The following IGFL3 variants were observed in gnomAD, a reference collection of about 807,000 sequenced individuals.
IGFL3 encodes insulin growth factor-like family member 3.
A neutral mutation model predicts 17.0 loss-of-function variants in IGFL3; 12 were observed. The ratio of observed to expected loss-of-function variants is 0.71; its 90% CI spans 0.45 to 1.14. The LOEUF (loss-of-function observed/expected upper bound fraction) is 1.14, where lower values mean the gene tolerates loss of function less well. Among genes scored for constraint, IGFL3 ranks in the 50% most tolerant of loss-of-function variants. The pLI is 0.00. For missense variants in IGFL3, 153 were observed against 151.6 expected (o/e 1.01, Z -0.05); for synonymous variants, 52 against 57.4 (o/e 0.91, Z 0.42).
intron 2 of IGFL3, 36 bp from the exon 3 acceptor site, chr19:46,124,192 G>C (rs374493388): frequency 2.6e-5 from 42 of 1,609,808 alleles, no homozygotes; most frequent in Non-Finnish European, 3.4e-5. Context: ...ATCCAAGGAA[G>C]AACAGATACT....
At chr19:46,123,074 A>G (rs1233347058) in intron 3 of IGFL3, among the ~76,000 whole-genome samples, 5 of 151,056 alleles carry the variant, frequency 3.3e-5, no homozygotes, top group Admixed American at 2.0e-4. Flanking sequence ...AAAGATTGGT[A>G]TACCACCACT....
At chr19:46,121,309 G>A in intron 3 of IGFL3, among the ~76,000 whole-genome samples, 1 of 148,782 alleles carries the variant, frequency 6.7e-6, no homozygotes, top group East Asian at 2.0e-4. Context: ...GATCACTTGA[G>A]CCCAGGAGGT....
In IGFL3 at chr19:46,120,456, A is replaced by G. The variant is rs968000935; in HGVS notation, c.351-99T>C. ...ATTTTAACAAACTTGACTTTAACAG[A>G]CTTGACTGCTACACCAGATGTGTAG... On this transcript the variant is annotated intron_variant, in intron 3 of 3. Transcript: ENST00000341415. 3.9e-6 allele frequency: 6 copies of G among 1,538,124 alleles called. No homozygotes were observed. The African/African-American group carries it at 8.4e-5, about 22-fold the overall frequency.
rs1237755541 is a variant in IGFL3 at position 46,124,043 on chromosome 19, C to T, written c.193G>A (p.Glu65Lys). The T allele has an allele frequency of 1.2e-6, 2 of 1,611,488 alleles. No individual in the cohort carries two copies. Among genetic ancestry groups the T allele is most frequent in the Non-Finnish European group, 1.7e-6 (2 of 1,179,662 alleles). ...CAGGTGGAGCCACAGCGGCGGGTCT[C>T]CTTTAAGGATAAGATGGCATCATCA... ...CYDDAILSLK[E>K]TRRCGSTCTF... Residue 65 changes from glutamate to lysine, a missense_variant, in exon 3 of 4, where the codon GAG becomes AAG. Coordinates refer to ENST00000341415, the MANE Select transcript of IGFL3 (RefSeq NM_207393.2).
At position 46,124,260 on chromosome 19, in the gene IGFL3, G is replaced by T; in HGVS notation, c.79+8C>A. 1.9e-6 allele frequency: 3 copies of T among 1,610,220 alleles called. 1 individual carries two copies. Among genetic ancestry groups the T allele is most frequent in the Non-Finnish European group, 1.7e-6 (2 of 1,178,688 alleles). On this transcript the variant is annotated splice_region_variant and intron_variant, in intron 2 of 3. Coordinates refer to ENST00000341415, the MANE Select transcript of IGFL3 (RefSeq NM_207393.2). Reference sequence around the variant, plus strand: ...TTCCCTCCTCATTTTTCCCTGTCCTGTCCTTACCTGTAGTTCCTTTTGAAC... The same window carrying T: ...TTCCCTCCTCATTTTTCCCTGTCCTTTCCTTACCTGTAGTTCCTTTTGAAC...
intron 3 of IGFL3, among the ~76,000 whole-genome samples, chr19:46,122,677 C>T (rs909949869): frequency 6.6e-6 from 1 of 150,940 alleles, no homozygotes; most frequent in African/African-American, 2.5e-5. Flanking sequence ...CGGTTACTGT[C>T]AGACAACTTA....
rs758573078 is a variant in IGFL3 at position 46,122,430 on chromosome 19, G to A, written c.350+1456C>T. Among the ~76,000 whole-genome samples, 3 of 151,108 alleles carry A rather than the reference G, an allele frequency of 2.0e-5. 1 individual carries two copies. The highest frequency in any genetic ancestry group is 4.4e-5 in the Non-Finnish European group (3 of 67,956). ...AGATCAGCTTATGGAACAAATAGGT[G>A]AAGTCATTTCCTGAGCCAAAAGATA... On this transcript the variant is annotated intron_variant, in intron 3 of 3. Transcript: ENST00000341415.
At chr19:46,121,927 C>T (rs1397291373) in intron 3 of IGFL3, among the ~76,000 whole-genome samples, 1 of 150,888 alleles carries the variant, frequency 6.6e-6, no homozygotes, top group Non-Finnish European at 1.5e-5. Context: ...TGAAATTTAA[C>T]TTGGCTTTTA....
rs1971918513 is a variant in IGFL3 at position 46,123,771 on chromosome 19, A to G, written c.350+115T>C. The G allele has an allele frequency of 3.1e-5, 38 of 1,214,310 alleles. 4 individuals are homozygous for G. The South Asian group carries it at 5.5e-4, about 17-fold the overall frequency. The allele number at this position is 1,214,310 out of a possible 1,614,324, so 75.2% of individuals were successfully genotyped here. A position where few individuals can be genotyped will look rare whatever the true frequency, so the allele number is the denominator to read the frequency against. ...CTTCTTTTTGCTTTCCCCTGCTGCC[A>G]CCAGCCTGACTCTTTTGCCGTTAGA... On this transcript the variant is annotated intron_variant, in intron 3 of 3. Coordinates refer to ENST00000341415, the MANE Select transcript of IGFL3 (RefSeq NM_207393.2).
Position 46,123,966 on chromosome 19 carries a change from C to T in IGFL3, c.270G>A (p.Gln90=), listed in dbSNP as rs1319774546. The T allele has an allele frequency of 6.2e-7, 1 of 1,611,572 alleles. No individual in the cohort carries two copies. Among genetic ancestry groups the T allele is most frequent in the Non-Finnish European group, 8.5e-7 (1 of 1,179,662 alleles). The part of the protein sequence containing the change: ...ELCCPESFGP[Q]QKFLVKLRVL... ...CCCTCAACTTCACAAGAAACTTCTG[C>T]TGGGGGCCAAAAGACTCGGGACAGC... The change falls in exon 3 of 4, where the codon CAG becomes CAA. Residue 90 remains glutamine, a synonymous_variant. Coordinates refer to ENST00000341415, the MANE Select transcript of IGFL3 (RefSeq NM_207393.2).
In IGFL3 at chr19:46,124,072, C is replaced by T; in HGVS notation, c.164G>A (p.Cys55Tyr). Reference sequence around the variant, plus strand: ...TAAGGATAAGATGGCATCATCATAACAGCACTGCTCTGAAGGGTTGTAGAT... The same window carrying T: ...TAAGGATAAGATGGCATCATCATAATAGCACTGCTCTGAAGGGTTGTAGAT... Reference protein sequence around the residue: ...NKIYNPSEQCCYDDAILSLKE... With the variant: ...NKIYNPSEQCYYDDAILSLKE... Residue 55 changes from cysteine to tyrosine, a missense_variant, in exon 3 of 4, where the codon TGT becomes TAT. Transcript: ENST00000341415. 5 of 1,611,624 alleles carry T rather than the reference C, an allele frequency of 3.1e-6. 1 individual carries two copies. The highest frequency in any genetic ancestry group is 4.5e-5 in the East Asian group (2 of 44,438).
chr19:46,124,600 T>C, intron 1 of IGFL3, 25 bp downstream of exon 1: 1 of 1,580,146 alleles, frequency 6.3e-7, no homozygotes, highest in Non-Finnish European at 8.7e-7. Flanking sequence ...GATGAGATGA[T>C]GTTTGGATTT....
chr19:46,124,480 G>A (rs1971980649), intron 1 of IGFL3, 145 bp downstream of exon 1: 1 of 1,122,938 alleles, frequency 8.9e-7, no homozygotes, highest in East Asian at 2.4e-5. Context: ...GCCCTGAGCA[G>A]CACGCTCAGT....
In IGFL3 at chr19:46,124,240, T is replaced by C. The variant is rs1389327635; in HGVS notation, c.79+28A>G. On this transcript the variant is annotated intron_variant, in intron 2 of 3. Coordinates refer to ENST00000341415, the MANE Select transcript of IGFL3 (RefSeq NM_207393.2). ...TCTTTTCCCAACACCACCTCTTCCC[T>C]CCTCATTTTTCCCTGTCCTGTCCTT... The C allele has an allele frequency of 3.1e-6, 5 of 1,609,156 alleles. 1 individual carries two copies. The highest frequency in any genetic ancestry group is 4.2e-6 in the Non-Finnish European group (5 of 1,177,866).
At chr19:46,122,171 C>A (rs1380634547) in intron 3 of IGFL3, among the ~76,000 whole-genome samples, 1 of 151,124 alleles carries the variant, frequency 6.6e-6, no homozygotes. Context: ...ACATCCACTT[C>A]CATTGCCCTG....
At chr19:46,121,429 C>T (rs974396172) in intron 3 of IGFL3, among the ~76,000 whole-genome samples, 1 of 147,362 alleles carries the variant, frequency 6.8e-6, no homozygotes, top group African/African-American at 2.5e-5. Context: ...AAGAAAATTT[C>T]TAAGATTTTC....
chr19:46,122,873 C>T (rs1249429196), intron 3 of IGFL3, among the ~76,000 whole-genome samples: 1 of 150,680 alleles, frequency 6.6e-6, no homozygotes, highest in Non-Finnish European at 1.5e-5. Context: ...TTTTGTATTC[C>T]TAGTCTACTT....
chr19:46,124,558 G>C, intron 1 of IGFL3, 67 bp downstream of exon 1: 3 of 1,397,282 alleles, frequency 2.1e-6, no homozygotes, highest in East Asian at 2.3e-5. Flanking sequence ...GGAATAAATC[G>C]GGTTGAGGTT....
At chr19:46,120,882 T>A (rs1302589237) in intron 3 of IGFL3, among the ~76,000 whole-genome samples, 1 of 150,948 alleles carries the variant, frequency 6.6e-6, no homozygotes, top group African/African-American at 2.5e-5. Flanking sequence ...AGTTTAATTA[T>A]TCCACATTGA....
Sources: allele counts gnomAD v4.1 joint callset (sites outside exome capture counted in the v4.1 genomes callset), GRCh38; gene constraint gnomAD v4.1.1; transcripts MANE v1.5; gene names NCBI Gene and HGNC (gene_info 2026-07-23, HGNC 2026-07-21).